LRRK2: variants seen among roughly 807,000 people sequenced by gnomAD.
LRRK2 encodes leucine rich repeat kinase 2.
A neutral mutation model predicts 302.6 loss-of-function variants in LRRK2; 203 were observed. That is an observed-to-expected ratio of 0.67 (90% CI 0.60 to 0.75). The LOEUF (loss-of-function observed/expected upper bound fraction) is 0.75. Among genes scored for constraint, LRRK2 ranks in the 30% least tolerant of loss-of-function variants. The pLI is 0.00. For missense variants in LRRK2, 2,830 were observed against 2,951.0 expected (o/e 0.96, Z 0.95); for synonymous variants, 1,066 against 1,031.9 (o/e 1.03, Z -0.63).
In LRRK2 at chr12:40,363,731, A is replaced by G. The variant is rs7134408; in HGVS notation, c.7181+177A>G. Among the ~76,000 whole-genome samples, 93,496 of 151,822 alleles carry G rather than the reference A, an allele frequency of 0.62. 29,196 individuals carry two copies. The highest frequency in any genetic ancestry group is 0.67 in the Non-Finnish European group (45,218 of 67,844). ...TTCAGATCAAGAAAATTTTGTCTTC[A>G]GAACATAAAAGAATAGGCACATAAT... On this transcript the variant is annotated intron_variant, in intron 48 of 50. Coordinates refer to ENST00000298910, the MANE Select transcript of LRRK2 (RefSeq NM_198578.4).
chr12:40,268,186 A>C (rs1943100108), intron 14 of LRRK2, among the ~76,000 whole-genome samples: 1 of 152,186 alleles, frequency 6.6e-6, no homozygotes, highest in Non-Finnish European at 1.5e-5. Flanking sequence ...TCCAGAGAGC[A>C]AAATGGAAAA....
At chr12:40,338,907 A>G (rs1255237645) in intron 40 of LRRK2, among the ~76,000 whole-genome samples, 2 of 152,082 alleles carry the variant, frequency 1.3e-5, no homozygotes, top group Non-Finnish European at 2.9e-5. Flanking sequence ...CCCTTGGTAA[A>G]TTTTTCTTTC....
chr12:40,274,336 A>G (rs1251506394), intron 14 of LRRK2, among the ~76,000 whole-genome samples: 10 of 152,202 alleles, frequency 6.6e-5, no homozygotes, highest in Admixed American at 4.6e-4. Flanking sequence ...TCATGAGATT[A>G]TGAAAAGAAA....
Position 40,354,305 on chromosome 12 carries a change from G to A in LRRK2, c.6583G>A (p.Ala2195Thr). Residue 2195 changes from alanine (A) to threonine (T), a missense_variant, in exon 45 of 51, where the codon GCT (alanine) becomes ACT (threonine). Ala to Thr is a moderately conservative substitution (Grantham distance 58). This residue lies in a region of LRRK2 where 456 missense variants were observed against 456.3 expected (regional missense o/e 1.00). Coordinates refer to ENST00000298910, the MANE Select transcript of LRRK2 (RefSeq NM_198578.4). Reference protein sequence around the residue: ...NTEGYTSEEVADSRILCLALV... With the variant: ...NTEGYTSEEVTDSRILCLALV... ...TATTTTCTTTTCTTAACAGGAAGTT[G>A]CTGATAGTAGAATATTGTGCTTAGC... The A allele has an allele frequency of 6.2e-7, 1 of 1,613,774 alleles. No individual in the cohort carries two copies. The highest frequency in any genetic ancestry group is 8.5e-7 in the Non-Finnish European group (1 of 1,179,776).
At chr12:40,343,300 A>C (rs1477300171) in intron 41 of LRRK2, among the ~76,000 whole-genome samples, 2 of 152,214 alleles carry the variant, frequency 1.3e-5, no homozygotes, top group Non-Finnish European at 2.9e-5. Context: ...GCTGGGAGTG[A>C]CAGTTAATTC....
chr12:40,300,345 A>G (rs1287773030), intron 25 of LRRK2, among the ~76,000 whole-genome samples: 1 of 152,186 alleles, frequency 6.6e-6, no homozygotes, highest in Non-Finnish European at 1.5e-5. Flanking sequence ...GAACATTTTA[A>G]TTTTAAGGAA....
intron 22 of LRRK2, 106 bp from the exon 23 acceptor site, chr12:40,295,321 G>GTAGAAAATCTAC: frequency 9.9e-7 from 1 of 1,012,732 alleles, no homozygotes; most frequent in Non-Finnish European, 1.5e-6. Flanking sequence ...TGAATCTTCA[G>GTAGAAAATCTAC]TGCCTTGAAG....
In LRRK2 at chr12:40,305,887, A is replaced by G; in HGVS notation, c.3880A>G (p.Ile1294Val). 6.2e-7 allele frequency: 1 copy of G among 1,613,584 alleles called. No individual in the cohort carries two copies. Among genetic ancestry groups the G allele is most frequent in the Non-Finnish European group, 8.5e-7 (1 of 1,179,678 alleles). Residue 1294 changes from isoleucine (I) to valine (V), a missense_variant, in exon 28 of 51, where the codon ATA (isoleucine) becomes GTA (valine). By Grantham distance (29) the Ile-to-Val change is conservative. Around this residue, in one of 3 missense-constraint regions of LRRK2, gnomAD observed 2,121 missense variants for 2,148.0 expected, o/e 0.99. Coordinates refer to ENST00000298910, the MANE Select transcript of LRRK2 (RefSeq NM_198578.4). ...CAATGAAATGGGGAAATTAAGCAAA[A>G]TATGGGATCTTCCTTTGGATGAACT... ...FPNEMGKLSK[I>V]WDLPLDELHL...
At position 40,348,526 on chromosome 12, in the gene LRRK2, G is replaced by T; in HGVS notation, c.6381+17G>T. 6.4e-7 allele frequency: 1 copy of T among 1,554,024 alleles called. No individual in the cohort carries two copies. Among genetic ancestry groups the T allele is most frequent in the Non-Finnish European group, 8.9e-7 (1 of 1,126,456 alleles). ...TCTGCCCAGGTATTCTTAAAGTTTT[G>T]TTAATATTTTGTACAGAACATCATT... On this transcript the variant is annotated intron_variant, in intron 43 of 50. Coordinates refer to ENST00000298910, the MANE Select transcript of LRRK2 (RefSeq NM_198578.4).
At chr12:40,278,911 A>G (rs935157695) in intron 18 of LRRK2, among the ~76,000 whole-genome samples, 14 of 152,142 alleles carry the variant, frequency 9.2e-5, no homozygotes, top group African/African-American at 3.1e-4. Flanking sequence ...TTGTCAGTCT[A>G]TGAAAATATA....
chr12:40,341,331 A>C (rs1044798002), intron 41 of LRRK2, among the ~76,000 whole-genome samples: 11 of 152,238 alleles, frequency 7.2e-5, no homozygotes, highest in Admixed American at 2.0e-4. Flanking sequence ...GCTACAGGAT[A>C]TCTCACTAGG....
At chr12:40,303,473 G>A (rs1035575240) in intron 26 of LRRK2, among the ~76,000 whole-genome samples, 4 of 151,966 alleles carry the variant, frequency 2.6e-5, no homozygotes, top group Admixed American at 6.6e-5. Context: ...TTTTCTTGCT[G>A]TCAGCTATTC....
At chr12:40,290,623 G>A (rs1944107811) in intron 20 of LRRK2, among the ~76,000 whole-genome samples, 1 of 151,984 alleles carries the variant, frequency 6.6e-6, no homozygotes, top group African/African-American at 2.4e-5. Flanking sequence ...TTTTAGTAAT[G>A]TGTAACTTTC....
chr12:40,321,916 C>A, intron 35 of LRRK2, 119 bp from the exon 36 acceptor site: 1 of 979,530 alleles, frequency 1.0e-6, no homozygotes, highest in Non-Finnish European at 1.6e-6. Flanking sequence ...ATATCAGTAA[C>A]AACCCAATAC....
At chr12:40,323,102 A>G (rs1945449349) in intron 37 of LRRK2, 58 bp from the exon 38 acceptor site, 4 of 1,487,930 alleles carry the variant, frequency 2.7e-6, no homozygotes, top group Non-Finnish European at 3.7e-6. Flanking sequence ...CAAAACCACA[A>G]ATTTATGTAT....
intron 43 of LRRK2, among the ~76,000 whole-genome samples, chr12:40,349,719 G>A (rs1367840025): frequency 6.6e-6 from 1 of 152,030 alleles, no homozygotes; most frequent in Non-Finnish European, 1.5e-5. Context: ...GTCTCACTCT[G>A]TTGCCCAGGC....
chr12:40,354,366 T>C lies in LRRK2; in HGVS notation c.6644T>C (p.Ile2215Thr). Reference sequence around the variant, plus strand: ...CTTCCTGTTGAAAAGGAAAGCTGGATTGTGTCTGGGACACAGTCTGGTACT... The same window carrying C: ...CTTCCTGTTGAAAAGGAAAGCTGGACTGTGTCTGGGACACAGTCTGGTACT... Reference protein sequence around the residue: ...VHLPVEKESWIVSGTQSGTLL... With the variant: ...VHLPVEKESWTVSGTQSGTLL... Residue 2215 changes from isoleucine (I) to threonine (T), a missense_variant, in exon 45 of 51, where the codon ATT (isoleucine) becomes ACT (threonine). By Grantham distance (89) the Ile-to-Thr change is moderately conservative. Transcript: ENST00000298910. 4 of 1,614,090 alleles carry C rather than the reference T, an allele frequency of 2.5e-6. No homozygotes were observed. Among genetic ancestry groups the C allele is most frequent in the Middle Eastern group, 1.6e-4 (1 of 6,062 alleles).
At chr12:40,250,218 A>G (rs1341991007) in intron 8 of LRRK2, among the ~76,000 whole-genome samples, 1 of 152,194 alleles carries the variant, frequency 6.6e-6, no homozygotes, top group Non-Finnish European at 1.5e-5. Context: ...GTGCCTGGGC[A>G]TGGTGGCTCA....
intron 45 of LRRK2, among the ~76,000 whole-genome samples, chr12:40,354,737 T>C (rs1326451003): frequency 1.3e-5 from 2 of 152,158 alleles, no homozygotes; most frequent in Non-Finnish European, 2.9e-5. Context: ...GCTCCTGGTA[T>C]TACCTCAACT....
Sources: allele counts gnomAD v4.1 joint callset (sites outside exome capture counted in the v4.1 genomes callset), GRCh38; gene constraint gnomAD v4.1.1; regional missense constraint gnomAD v4.1.1; transcripts MANE v1.5; gene names NCBI Gene and HGNC (gene_info 2026-07-23, HGNC 2026-07-21).